Variants in HSD17B12 observed in about 807,000 individuals in gnomAD.
HSD17B12 encodes the protein hydroxysteroid 17-beta dehydrogenase 12, also known as very-long-chain 3-oxoacyl-CoA reductase.
In HSD17B12, 32 loss-of-function variants were observed where a neutral mutation model predicts 39.3. The observed-to-expected ratio is 0.81, with a 90% CI of 0.61 to 1.09. HSD17B12 has a LOEUF of 1.09. Among genes scored for constraint, HSD17B12 ranks in the 50% least tolerant of loss-of-function variants. HSD17B12 has a pLI of 0.00. For synonymous variants in HSD17B12, 150 were observed against 146.7 expected (o/e 1.02, Z -0.16); for missense variants, 342 against 382.9 (o/e 0.89, Z 0.89).
At chr11:43,851,809 G>A (rs894287583) in intron 9 of HSD17B12, among the ~76,000 whole-genome samples, 2 of 152,138 alleles carry the variant, frequency 1.3e-5, no homozygotes, top group Admixed American at 6.5e-5. Flanking sequence ...ATACTGCCCA[G>A]TGATTGGATT....
At chr11:43,714,763 A>G (rs1039651231) in intron 1 of HSD17B12, among the ~76,000 whole-genome samples, 2 of 152,134 alleles carry the variant, frequency 1.3e-5, no homozygotes, top group Non-Finnish European at 2.9e-5. Flanking sequence ...TGAGCATGGA[A>G]CGTTCTTCCA....
chr11:43,605,389 C>G, the HSD17B12 span, among the ~76,000 whole-genome samples: 3 of 151,946 alleles, frequency 2.0e-5, no homozygotes, highest in African/African-American at 4.8e-5. Context: ...TGGAGAAACC[C>G]CGTCTCTACT....
intron 1 of HSD17B12, among the ~76,000 whole-genome samples, chr11:43,724,517 GT>G (rs1950204074): frequency 6.6e-6 from 1 of 152,060 alleles, no homozygotes; most frequent in Admixed American, 6.6e-5. Flanking sequence ...ATTTCTCACA[GT>G]TTTGAAGACT....
rs1951064259 is a variant in HSD17B12, at chr11:43,810,648, CT to C, written c.392-4785del. On this transcript the variant is annotated intron_variant, in intron 4 of 10. Coordinates refer to ENST00000278353, the MANE Select transcript of HSD17B12 (RefSeq NM_016142.3). ...CCTCTGTTCTCTGCCTGCCTCATCT[CT>C]TTTATTGAGCGCTTCCCAGTCTTAG... Among the ~76,000 whole-genome samples, 3 of 152,160 alleles carry C rather than the reference CT, an allele frequency of 2.0e-5. No homozygotes were observed. The South Asian group carries it at 6.2e-4, about 32-fold the overall frequency.
chr11:43,845,634 C>G (rs1056532083), intron 9 of HSD17B12, among the ~76,000 whole-genome samples: 11 of 152,186 alleles, frequency 7.2e-5, no homozygotes, highest in Non-Finnish European at 1.5e-4. Context: ...ATTATGCTTT[C>G]CGGGCCAAAA....
At chr11:43,791,154 AC>A (rs1412040943) in intron 3 of HSD17B12, among the ~76,000 whole-genome samples, 1 of 152,200 alleles carries the variant, frequency 6.6e-6, no homozygotes, top group Non-Finnish European at 1.5e-5. Flanking sequence ...AGGTCTTCTA[AC>A]TGCATCCCAG....
rs141161337 is a variant in HSD17B12 at position 43,823,733 on chromosome 11, A to T, written c.502-7243A>T. On this transcript the variant is annotated intron_variant, in intron 6 of 10. Coordinates refer to ENST00000278353, the MANE Select transcript of HSD17B12 (RefSeq NM_016142.3). ...ACATTTTTTTTTTATTCTAAGAAAT[A>T]ATAATAAATGAATGATTTTTTAAAA... 7.7e-4 allele frequency among the ~76,000 whole-genome samples: 118 copies of T among 152,316 alleles called. 1 individual carries two copies. Among genetic ancestry groups the T allele is most frequent in the Admixed American group, 5.4e-3 (82 of 15,296 alleles).
chr11:43,622,782 T>C, the HSD17B12 span, among the ~76,000 whole-genome samples: 151,837 of 152,162 alleles, frequency 1, 75,757 homozygotes, highest in Middle Eastern at 1. Context: ...GGAATCAACA[T>C]GTGAGAAATG....
the HSD17B12 span, among the ~76,000 whole-genome samples, chr11:43,606,251 C>T: frequency 6.6e-6 from 1 of 152,192 alleles, no homozygotes; most frequent in Non-Finnish European, 1.5e-5. Context: ...AGCACCTTTC[C>T]GCAGACCAGG....
At chr11:43,829,261 A>G (rs750171936) in intron 6 of HSD17B12, among the ~76,000 whole-genome samples, 16 of 152,214 alleles carry the variant, frequency 1.1e-4, no homozygotes, top group Admixed American at 1.0e-3. Context: ...ATAGCCAGGC[A>G]TTGAAATCAG....
Position 43,756,627 on chromosome 11 carries a change from A to G in HSD17B12, c.283+2506A>G, listed in dbSNP as rs141524643. The stretch of plus-strand genomic sequence containing the variant: ...TTGCTAGAAATAAAGGTACATAGGC[A>G]GAAAGTAGATGCTTTTGACTAAATG... On this transcript the variant is annotated intron_variant, in intron 3 of 10. Coordinates refer to ENST00000278353, the MANE Select transcript of HSD17B12 (RefSeq NM_016142.3). Among the ~76,000 whole-genome samples, 1,047 of 152,348 alleles carry G rather than the reference A, an allele frequency of 6.9e-3. 17 individuals carry two copies. Among genetic ancestry groups the G allele is most frequent in the African/African-American group, 0.024 (1,005 of 41,574 alleles).
At chr11:43,662,377 T>TTGTGTGTG in the HSD17B12 span, among the ~76,000 whole-genome samples, 6,394 of 128,440 alleles carry the variant, frequency 0.05, 205 homozygotes, top group Non-Finnish European at 0.059. Flanking sequence ...TTTATTTTAT[T>TTGTGTGTG]TGTGTGTGTG....
chr11:43,783,765 G>A (rs976549495), intron 3 of HSD17B12, among the ~76,000 whole-genome samples: 9 of 152,086 alleles, frequency 5.9e-5, no homozygotes, highest in East Asian at 5.8e-4. Context: ...CCCAAAGAGC[G>A]TTTGTTTACA....
chr11:43,587,615 T>C, the HSD17B12 span, among the ~76,000 whole-genome samples: 1 of 152,200 alleles, frequency 6.6e-6, no homozygotes, highest in African/African-American at 2.4e-5. Flanking sequence ...AGCTCGTAAC[T>C]GAGAGGCAAG....
chr11:43,787,918 A>AT (rs1399218419), intron 3 of HSD17B12, among the ~76,000 whole-genome samples: 1 of 152,026 alleles, frequency 6.6e-6, no homozygotes, highest in Non-Finnish European at 1.5e-5. Context: ...GAAAAGAATA[A>AT]TTTTTTCCTG....
chr11:43,573,090 G>C, the HSD17B12 span, among the ~76,000 whole-genome samples: 2 of 152,230 alleles, frequency 1.3e-5, no homozygotes, highest in African/African-American at 4.8e-5. Context: ...CCCTCTGGGG[G>C]AGCATTGGGG....
At chr11:43,737,997 C>CTG (rs1950331810) in intron 1 of HSD17B12, among the ~76,000 whole-genome samples, 4 of 149,642 alleles carry the variant, frequency 2.7e-5, no homozygotes, top group African/African-American at 9.8e-5. Context: ...GATGTGAACC[C>CTG]GGCAGGCGGA....
chr11:43,688,703 G>C (rs1229751315), intron 1 of HSD17B12, among the ~76,000 whole-genome samples: 1 of 152,166 alleles, frequency 6.6e-6, no homozygotes, highest in Non-Finnish European at 1.5e-5. Flanking sequence ...GTATTACATT[G>C]GGAAACAGTA....
At chr11:43,691,045 G>A (rs1949857811) in intron 1 of HSD17B12, among the ~76,000 whole-genome samples, 1 of 152,068 alleles carries the variant, frequency 6.6e-6, no homozygotes, top group African/African-American at 2.4e-5. Context: ...TATCAAAGTC[G>A]TCAATTTTAG....
Sources: allele counts gnomAD v4.1 joint callset (sites outside exome capture counted in the v4.1 genomes callset), GRCh38; gene constraint gnomAD v4.1.1; transcripts MANE v1.5; gene names NCBI Gene and HGNC (gene_info 2026-07-23, HGNC 2026-07-21).